The following GRID2 variants were observed in gnomAD, a reference collection of about 807,000 sequenced individuals.
GRID2 encodes the protein glutamate ionotropic receptor delta type subunit 2.
GRID2 carries 33 observed loss-of-function variants against 114.8 expected under a neutral mutation model. The observed-to-expected ratio is 0.29, with a 90% CI of 0.22 to 0.38. GRID2 has a LOEUF of 0.38. GRID2 is among the 10% of genes least tolerant of loss of function. GRID2 has a pLI of 1.00. For missense variants in GRID2, 1,184 were observed against 1,257.7 expected (o/e 0.94, Z 0.89); for synonymous variants, 505 against 449.9 (o/e 1.12, Z -1.55).
At chr4:93,663,209 A>C (rs1258482596) in intron 14 of GRID2, among the ~76,000 whole-genome samples, 1 of 152,228 alleles carries the variant, frequency 6.6e-6, no homozygotes, top group Non-Finnish European at 1.5e-5. Context: ...CCATATCATC[A>C]TCAATGAGAA....
intron 2 of GRID2, among the ~76,000 whole-genome samples, chr4:92,666,607 A>G (rs1467268631): frequency 7.7e-6 from 1 of 130,380 alleles, no homozygotes; most frequent in East Asian, 2.2e-4. Flanking sequence ...GCTGTAGGCT[A>G]TCTCTATGCC....
intron 10 of GRID2, among the ~76,000 whole-genome samples, chr4:93,454,077 C>T (rs1722960830): frequency 6.6e-6 from 1 of 151,960 alleles, no homozygotes; most frequent in South Asian, 2.1e-4. Context: ...AAATTAAATA[C>T]ATATATGAGT....
At chr4:93,170,548 C>T (rs1398633012) in intron 4 of GRID2, among the ~76,000 whole-genome samples, 1 of 152,140 alleles carries the variant, frequency 6.6e-6, no homozygotes, top group Admixed American at 6.6e-5. Flanking sequence ...CCAGACAGTT[C>T]CTGCTTCGCC....
chr4:92,728,285 A>G (rs562975083), intron 2 of GRID2, among the ~76,000 whole-genome samples: 3 of 152,224 alleles, frequency 2.0e-5, no homozygotes, highest in Admixed American at 6.6e-5. Context: ...GCTGAAAACA[A>G]CAAATATTTA....
chr4:92,473,557 A>G (rs1224674888), intron 1 of GRID2, among the ~76,000 whole-genome samples: 2 of 152,034 alleles, frequency 1.3e-5, no homozygotes, highest in East Asian at 3.9e-4. Context: ...TAGGTCTTTC[A>G]TAGATTCCCT....
At chr4:92,400,180 C>A (rs1179297555) in intron 1 of GRID2, among the ~76,000 whole-genome samples, 1 of 152,064 alleles carries the variant, frequency 6.6e-6, no homozygotes, top group African/African-American at 2.4e-5. Context: ...CAAAATTGTG[C>A]AACTACCACA....
intron 14 of GRID2, among the ~76,000 whole-genome samples, chr4:93,653,800 A>G (rs1043152414): frequency 1.3e-5 from 2 of 152,122 alleles, no homozygotes; most frequent in African/African-American, 2.4e-5. Flanking sequence ...GCTGGAAAGT[A>G]TACATAGTCA....
intron 2 of GRID2, among the ~76,000 whole-genome samples, chr4:92,667,054 C>T (rs1248304541): frequency 6.6e-6 from 1 of 151,524 alleles, no homozygotes. Context: ...GTACAACTAC[C>T]TGCCATAGAG....
At chr4:93,146,005 A>G (rs1288946835) in intron 4 of GRID2, among the ~76,000 whole-genome samples, 1 of 152,068 alleles carries the variant, frequency 6.6e-6, no homozygotes, top group East Asian at 1.9e-4. Flanking sequence ...TATATACACA[A>G]TATCTTTGAA....
At chr4:92,446,326 A>C (rs190606680) in intron 1 of GRID2, among the ~76,000 whole-genome samples, 51 of 152,294 alleles carry the variant, frequency 3.3e-4, no homozygotes, top group African/African-American at 1.2e-3. Flanking sequence ...TTGGAGTGGC[A>C]AAGAACTACC....
intron 8 of GRID2, among the ~76,000 whole-genome samples, chr4:93,331,323 T>C (rs929474424): frequency 2.6e-5 from 4 of 151,922 alleles, no homozygotes; most frequent in Admixed American, 2.6e-4. Flanking sequence ...TCTTCTCCCG[T>C]ATATAGCCAT....
chr4:92,474,542 G>C (rs1008939330), intron 1 of GRID2, among the ~76,000 whole-genome samples: 4 of 152,082 alleles, frequency 2.6e-5, no homozygotes, highest in African/African-American at 9.7e-5. Flanking sequence ...ACAGAAGTGA[G>C]AATGCTGGAT....
intron 1 of GRID2, among the ~76,000 whole-genome samples, chr4:92,398,894 T>G (rs1054230239): frequency 1.3e-5 from 2 of 152,240 alleles, no homozygotes; most frequent in Admixed American, 1.3e-4. Flanking sequence ...TGCCTCACAC[T>G]GTTAAACGTG....
chr4:93,486,043 A>G (rs1256734597), intron 11 of GRID2, among the ~76,000 whole-genome samples: 1 of 151,704 alleles, frequency 6.6e-6, no homozygotes, highest in African/African-American at 2.4e-5. Flanking sequence ...ACTCAAAAAT[A>G]GTTTTATAGT....
chr4:93,068,648 C>T (rs917345293), intron 2 of GRID2, among the ~76,000 whole-genome samples: 7 of 151,670 alleles, frequency 4.6e-5, no homozygotes, highest in South Asian at 4.2e-4. Context: ...TGATATATAT[C>T]CACAAGAAAC....
At chr4:92,764,850 A>G (rs914549230) in intron 2 of GRID2, among the ~76,000 whole-genome samples, 2 of 152,194 alleles carry the variant, frequency 1.3e-5, no homozygotes, top group South Asian at 2.1e-4. Context: ...AAAGCAAGAC[A>G]TGGGGTTGAA....
At chr4:93,178,795 T>A (rs1311691257) in intron 4 of GRID2, among the ~76,000 whole-genome samples, 2 of 152,166 alleles carry the variant, frequency 1.3e-5, no homozygotes, top group South Asian at 2.1e-4. Context: ...AAAATCTTTA[T>A]GTTCTTAACT....
At chr4:92,571,041 T>C (rs1224496361) in intron 1 of GRID2, among the ~76,000 whole-genome samples, 1 of 151,902 alleles carries the variant, frequency 6.6e-6, no homozygotes, top group African/African-American at 2.4e-5. Context: ...ACAAGGGGAG[T>C]GCTTCCAGTT....
At chr4:93,750,782 C>T (rs1333276500) in intron 14 of GRID2, among the ~76,000 whole-genome samples, 2 of 152,032 alleles carry the variant, frequency 1.3e-5, no homozygotes, top group Non-Finnish European at 2.9e-5. Context: ...TGGTCTTGAC[C>T]AGGCATCGAG....
Sources: gnomAD v4.1 joint callset for allele counts (sites outside exome capture counted in the v4.1 genomes callset) on GRCh38, gnomAD v4.1.1 for gene constraint, MANE v1.5 for transcripts, NCBI Gene and HGNC (gene_info 2026-07-23, HGNC 2026-07-21) for gene names.